The following CD300A variants were observed in gnomAD, a reference collection of about 807,000 sequenced individuals.
CD300A encodes CD300a molecule.
Under a neutral mutation model 33.6 loss-of-function variants are expected in CD300A, and 22 were observed. The observed-to-expected ratio is 0.66, with a 90% CI of 0.47 to 0.94. CD300A has a LOEUF of 0.94. Ranked by LOEUF, CD300A falls within the 40% of genes least tolerant of loss-of-function variation. The pLI, the probability that CD300A is intolerant of heterozygous loss-of-function variation, is 0.00. For synonymous variants in CD300A, 136 were observed against 148.1 expected (o/e 0.92, Z 0.59); for missense variants, 326 against 360.5 (o/e 0.90, Z 0.77).
chr17:74,481,172 G>A, intron 4 of CD300A, 117 bp from the exon 5 acceptor site: 1 of 870,358 alleles, frequency 1.1e-6, no homozygotes, highest in Non-Finnish European at 1.9e-6. Flanking sequence ...GGCCTGAAGG[G>A]ATAGGTCCCC....
intron 1 of CD300A, chr17:74,466,999 T>C (rs1213686979): frequency 7.3e-7 from 1 of 1,379,140 alleles, no homozygotes; most frequent in Admixed American, 3.1e-5. Flanking sequence ...AAGGGGTGGG[T>C]GCAGAAAAGG....
At chr17:74,478,591 T>A (rs911554565) in intron 4 of CD300A, among the ~76,000 whole-genome samples, 1 of 152,190 alleles carries the variant, frequency 6.6e-6, no homozygotes, top group Non-Finnish European at 1.5e-5. Context: ...AGATTGCAGA[T>A]CCCTGGCCGA....
At chr17:74,468,688 C>T (rs2144499617) in intron 1 of CD300A, among the ~76,000 whole-genome samples, 1 of 152,222 alleles carries the variant, frequency 6.6e-6, no homozygotes, top group East Asian at 1.9e-4. Context: ...CAGAATCTCA[C>T]TCTATCACCC....
intron 4 of CD300A, among the ~76,000 whole-genome samples, chr17:74,479,244 T>C (rs1382302702): frequency 6.6e-6 from 1 of 152,008 alleles, no homozygotes; most frequent in Non-Finnish European, 1.5e-5. Flanking sequence ...TTCTTTTTTT[T>C]TCTCTTTTTT....
At chr17:74,478,774 G>A (rs915419403) in intron 4 of CD300A, among the ~76,000 whole-genome samples, 1 of 152,208 alleles carries the variant, frequency 6.6e-6, no homozygotes, top group Admixed American at 6.5e-5. Flanking sequence ...TGCATGCTTG[G>A]TGGGGGGCAC....
At position 74,484,701 on chromosome 17, in the gene CD300A, A is replaced by G. The variant is rs140946370; in HGVS notation, c.*575A>G. On this transcript the variant is annotated 3_prime_UTR_variant, in exon 7 of 7. Coordinates refer to ENST00000360141, the MANE Select transcript of CD300A (RefSeq NM_007261.4). ...GCTCATGGCTCCAGAACTGGTGGCA[A>G]GTTTCTCTGGACTCTTAGGTTTATT... 6.6e-6 allele frequency: 1 copy of G among 152,334 alleles called. No individual in the cohort carries two copies. The highest frequency in any genetic ancestry group is 1.5e-5 in the Non-Finnish European group (1 of 68,034). The allele number at this position is 152,334 out of a possible 1,614,324, so 9.4% of individuals were successfully genotyped here. A position where few individuals can be genotyped will look rare whatever the true frequency, so the allele number is the denominator to read the frequency against.
At chr17:74,478,143 C>T (rs1416274104) in intron 4 of CD300A, among the ~76,000 whole-genome samples, 3 of 152,218 alleles carry the variant, frequency 2.0e-5, no homozygotes, top group African/African-American at 7.2e-5. Context: ...GCTGGAGGGC[C>T]TCCCCTGCCC....
At chr17:74,477,703 CGTG>C (rs1266668316) in intron 4 of CD300A, among the ~76,000 whole-genome samples, 173 bp downstream of exon 4, 2 of 152,156 alleles carry the variant, frequency 1.3e-5, no homozygotes, top group African/African-American at 2.4e-5. Context: ...CATCCTTGTG[CGTG>C]GTGGTTACAG....
At chr17:74,466,944 C>G in intron 1 of CD300A, 1 of 1,434,908 alleles carries the variant, frequency 7.0e-7, no homozygotes, top group Non-Finnish European at 9.1e-7. Flanking sequence ...CCTCTCCCGG[C>G]TCTGCACCCA....
intron 6 of CD300A, 55 bp from the exon 7 acceptor site, chr17:74,483,946 G>T (rs1321244145): frequency 6.3e-6 from 10 of 1,597,780 alleles, no homozygotes; most frequent in Non-Finnish European, 7.7e-6. Context: ...TATGTTGGGG[G>T]TCCTTTCTTC....
At chr17:74,477,834 G>C (rs1906578510) in intron 4 of CD300A, among the ~76,000 whole-genome samples, 1 of 152,082 alleles carries the variant, frequency 6.6e-6, no homozygotes, top group Non-Finnish European at 1.5e-5. Context: ...TGGGTGCAGT[G>C]GTGTGCATCT....
intron 1 of CD300A, among the ~76,000 whole-genome samples, chr17:74,468,045 A>T (rs138911322): frequency 1.5e-5 from 2 of 132,896 alleles, no homozygotes; most frequent in African/African-American, 3.3e-5. Flanking sequence ...TTATTTATTT[A>T]TTTTTTGAGA....
At chr17:74,468,637 C>A (rs947060727) in intron 1 of CD300A, among the ~76,000 whole-genome samples, 1 of 152,114 alleles carries the variant, frequency 6.6e-6, no homozygotes, top group African/African-American at 2.4e-5. Flanking sequence ...CTGGCCCCTA[C>A]AAAACATTTT....
rs1906883329 is a variant in CD300A, at chr17:74,481,901, G to A, written c.774+68G>A. On this transcript the variant is annotated intron_variant, in intron 6 of 6. Coordinates refer to ENST00000360141, the MANE Select transcript of CD300A (RefSeq NM_007261.4). ...TGTGCCAGGGCACCCCTGGGAGGGT[G>A]GGCAGAAGGGGAAGGAAGGGGTCGG... 3.4e-6 allele frequency: 4 copies of A among 1,176,534 alleles called. No individual in the cohort carries two copies. The African/African-American group carries it at 6.1e-5, about 18-fold the overall frequency. 72.9% of individuals were successfully genotyped at this position (1,176,534 alleles called of 1,614,324 possible). A position where few individuals can be genotyped will look rare whatever the true frequency, so the allele number is the denominator to read the frequency against.
At chr17:74,481,383 G>T in intron 5 of CD300A, 57 bp downstream of exon 5, 1 of 1,539,154 alleles carries the variant, frequency 6.5e-7, no homozygotes, top group Non-Finnish European at 9.0e-7. Flanking sequence ...TACAGAGGCT[G>T]CTGGGGAGTT....
At chr17:74,466,897 T>G in intron 1 of CD300A, 154 bp downstream of exon 1, 1 of 1,487,430 alleles carries the variant, frequency 6.7e-7, no homozygotes. Flanking sequence ...GATGGACAGA[T>G]GAAGGTCCAC....
chr17:74,481,293 T>A lies in CD300A; in HGVS notation c.633T>A (p.Gly211=), dbSNP rs375876887. 1 of 1,613,940 alleles carries A rather than the reference T, an allele frequency of 6.2e-7. No individual in the cohort carries two copies. The highest frequency in any genetic ancestry group is 2.2e-5 in the East Asian group (1 of 44,836). ...WRMFQKWIKA[G]DHSELSQNPK... Reference sequence around the variant, plus strand: ...TTCCTCTCCTCTTGTCTCTAGCTGGTGACCATTCAGAGCTGTCCCAGAACC... The same window carrying A: ...TTCCTCTCCTCTTGTCTCTAGCTGGAGACCATTCAGAGCTGTCCCAGAACC... The change falls in exon 5 of 7, where the codon GGT becomes GGA. Residue 211 remains glycine, a synonymous_variant. Transcript: ENST00000360141.
intron 4 of CD300A, 68 bp downstream of exon 4, chr17:74,477,598 T>G (rs1220903848): frequency 1.0e-6 from 1 of 989,264 alleles, no homozygotes; most frequent in Non-Finnish European, 1.6e-6. Context: ...GACGCTCATC[T>G]TCAAAGCTAT....
intron 1 of CD300A, among the ~76,000 whole-genome samples, chr17:74,471,326 A>T (rs756508668): frequency 6.6e-6 from 1 of 152,082 alleles, no homozygotes; most frequent in South Asian, 2.1e-4. Context: ...GTCATGTCTT[A>T]TTTAGTCAGC....
Sources: gnomAD v4.1 joint callset for allele counts (sites outside exome capture counted in the v4.1 genomes callset) on GRCh38, gnomAD v4.1.1 for gene constraint, MANE v1.5 for transcripts, NCBI Gene and HGNC (gene_info 2026-07-23, HGNC 2026-07-21) for gene names.